Variants in ZFPM1 observed in about 807,000 individuals in gnomAD.
ZFPM1 encodes the protein zinc finger protein ZFPM1.
In ZFPM1, 28 loss-of-function variants were observed where a neutral mutation model predicts 46.3. The observed-to-expected ratio is 0.60, with a 90% CI of 0.45 to 0.83. The LOEUF (loss-of-function observed/expected upper bound fraction) is 0.83. Among genes scored for constraint, ZFPM1 ranks in the 40% least tolerant of loss-of-function variants. The pLI, the probability that ZFPM1 is intolerant of heterozygous loss-of-function variation, is 0.00. For synonymous variants in ZFPM1, 957 were observed against 675.9 expected (o/e 1.42, Z -6.45); for missense variants, 1,878 against 1,432.4 (o/e 1.31, Z -5.02).
chr16:88,535,664 C>T lies in ZFPM1; in HGVS notation c.*685C>T, dbSNP rs1409993155. On this transcript the variant is annotated 3_prime_UTR_variant, in exon 10 of 10. Transcript: ENST00000319555. ...AGGGAGACCGAGGCCGAAGCATTCC[C>T]TGGCCTCGAGGGGGTCCTGATGCTC... The T allele has an allele frequency of 2.6e-5, 4 of 152,342 alleles. No homozygotes were observed. Among genetic ancestry groups the T allele is most frequent in the Non-Finnish European group, 5.9e-5 (4 of 68,102 alleles). The allele number at this position is 152,342 out of a possible 1,614,324, so 9.4% of individuals were successfully genotyped here. A position where few individuals can be genotyped will look rare whatever the true frequency, so the allele number is the denominator to read the frequency against.
intron 3 of ZFPM1, chr16:88,489,419 C>T (rs1273330276): frequency 1.9e-5 from 8 of 431,444 alleles, no homozygotes; most frequent in African/African-American, 6.1e-5. Flanking sequence ...GTCTGGGCCG[C>T]GGAAGAGGAT....
At position 88,519,774 on chromosome 16, in the gene ZFPM1, T is replaced by A. The variant is rs577105505; in HGVS notation, c.402+5254T>A. Among the ~76,000 whole-genome samples, 4 of 131,362 alleles carry A rather than the reference T, an allele frequency of 3.0e-5. No homozygotes were observed. In the South Asian group the frequency reaches 1.0e-3, roughly 33 times the overall value. 86.2% of individuals were successfully genotyped at this position (131,362 alleles called of 152,430 possible). A position where few individuals can be genotyped will look rare whatever the true frequency, so the allele number is the denominator to read the frequency against. ...GATGGACAGATGGATGGTGGGTGGA[T>A]GGATGGATAGGAGGGTGGGTGGGTG... is the stretch of plus-strand genomic sequence containing the variant. On this transcript the variant is annotated intron_variant, in intron 4 of 9. Coordinates refer to ENST00000319555, the MANE Select transcript of ZFPM1 (RefSeq NM_153813.3).
At chr16:88,529,235 C>T (rs1055041433) in intron 6 of ZFPM1, among the ~76,000 whole-genome samples, 1 of 152,268 alleles carries the variant, frequency 6.6e-6, no homozygotes, top group Non-Finnish European at 1.5e-5. Context: ...GCAAGTCTGG[C>T]TCCGGCCAGC....
At chr16:88,508,978 C>A (rs1910807479) in intron 3 of ZFPM1, among the ~76,000 whole-genome samples, 1 of 152,170 alleles carries the variant, frequency 6.6e-6, no homozygotes, top group Admixed American at 6.5e-5. Context: ...GACAGAGGGG[C>A]CGGCTTGCCC....
intron 1 of ZFPM1, among the ~76,000 whole-genome samples, chr16:88,454,777 G>A (rs1047313045): frequency 3.3e-5 from 5 of 152,058 alleles, no homozygotes; most frequent in Admixed American, 2.6e-4. Context: ...GCGCCTCCCC[G>A]GAGCCTGACG....
intron 4 of ZFPM1, among the ~76,000 whole-genome samples, chr16:88,517,201 G>C (rs1911364598): frequency 7.5e-6 from 1 of 133,266 alleles, no homozygotes; most frequent in Admixed American, 7.3e-5. Context: ...TGGATGGATG[G>C]ATGGATGGAT....
chr16:88,467,859 C>T (rs1343179782), intron 1 of ZFPM1, among the ~76,000 whole-genome samples: 4 of 152,168 alleles, frequency 2.6e-5, no homozygotes, highest in South Asian at 2.1e-4. Context: ...TAAAAAAGGG[C>T]GATGCGTGCT....
At position 88,534,817 on chromosome 16, in the gene ZFPM1, G is replaced by C. The variant is rs755607416; in HGVS notation, c.2859G>C (p.Ser953=). The C allele has an allele frequency of 6.6e-6, 10 of 1,512,422 alleles. No individual in the cohort carries two copies. Among genetic ancestry groups the C allele is most frequent in the Non-Finnish European group, 8.8e-6 (10 of 1,134,022 alleles). 93.7% of individuals were successfully genotyped at this position (1,512,422 alleles called of 1,614,324 possible). A position where few individuals can be genotyped will look rare whatever the true frequency, so the allele number is the denominator to read the frequency against. The change falls in exon 10 of 10, where the codon TCG becomes TCC. Residue 953 remains serine (S), a synonymous_variant. Transcript: ENST00000319555. ...VPPPPAPPSY[S]DKGVQTPSKG... is the part of the protein sequence containing the mutation. ...CCCCGCCGGCGCCCCCCTCCTACTCGGACAAGGGCGTCCAGACTCCCAGCA... is the reference window on the plus strand; with the variant it reads ...CCCCGCCGGCGCCCCCCTCCTACTCCGACAAGGGCGTCCAGACTCCCAGCA...
At chr16:88,456,004 A>C (rs536816753) in intron 1 of ZFPM1, among the ~76,000 whole-genome samples, 59 of 152,244 alleles carry the variant, frequency 3.9e-4, no homozygotes, top group African/African-American at 1.3e-3. Flanking sequence ...ATCTTTGGCC[A>C]CCAGGCCCGG....
chr16:88,488,180 G>A (rs1398513992), intron 2 of ZFPM1, among the ~76,000 whole-genome samples: 1 of 152,186 alleles, frequency 6.6e-6, no homozygotes, highest in Non-Finnish European at 1.5e-5. Context: ...CAAGCTGCAG[G>A]GCGCCCTGAT....
intron 3 of ZFPM1, among the ~76,000 whole-genome samples, chr16:88,493,891 G>T (rs577844308): frequency 6.6e-6 from 1 of 152,296 alleles, no homozygotes; most frequent in South Asian, 2.1e-4. Context: ...TTGCTCTCGA[G>T]CGCCACGGCT....
intron 1 of ZFPM1, among the ~76,000 whole-genome samples, chr16:88,481,173 G>A (rs1334379906): frequency 8.5e-5 from 13 of 152,344 alleles, no homozygotes. Flanking sequence ...AGGGGCTCCG[G>A]GCACCACAGG....
chr16:88,512,555 C>T (rs1026843233), intron 3 of ZFPM1, among the ~76,000 whole-genome samples: 2 of 152,026 alleles, frequency 1.3e-5, no homozygotes, highest in African/African-American at 4.8e-5. Context: ...CCGCCCTGCC[C>T]CCCAGGCCCC....
intron 1 of ZFPM1, among the ~76,000 whole-genome samples, chr16:88,481,748 C>T (rs1908952855): frequency 6.6e-6 from 1 of 152,118 alleles, no homozygotes. Context: ...ACCCCAGGTT[C>T]CCCATCTGAA....
chr16:88,523,950 G>A (rs1433689188), intron 4 of ZFPM1, among the ~76,000 whole-genome samples: 1 of 152,222 alleles, frequency 6.6e-6, no homozygotes, highest in Non-Finnish European at 1.5e-5. Flanking sequence ...CTCCACTCGG[G>A]ACCGCCACAG....
At chr16:88,459,259 C>T (rs1907695289) in intron 1 of ZFPM1, among the ~76,000 whole-genome samples, 1 of 152,168 alleles carries the variant, frequency 6.6e-6, no homozygotes. Flanking sequence ...TGGGTCAGTC[C>T]CGTCCCCACA....
Position 88,497,962 on chromosome 16 carries a change from T to G in ZFPM1, c.268+8809T>G, listed in dbSNP as rs1189879333. ...GCAGGGAGATGGGCCGATAGGCGACTGGCTCCCTCCCCACCCGGTGTGCGT... is the reference window on the plus strand; with the variant it reads ...GCAGGGAGATGGGCCGATAGGCGACGGGCTCCCTCCCCACCCGGTGTGCGT... On this transcript the variant is annotated intron_variant, in intron 3 of 9. Transcript: ENST00000319555. This position sits in a 1 kb window ranked among gnomAD's most constrained non-coding sequence, Gnocchi z 5.4. Among the ~76,000 whole-genome samples the G allele has an allele frequency of 6.6e-6, 1 of 152,192 alleles. No individual in the cohort carries two copies. The highest frequency in any genetic ancestry group is 1.9e-4 in the East Asian group (1 of 5,200).
chr16:88,505,774 C>A (rs968071913), intron 3 of ZFPM1, among the ~76,000 whole-genome samples: 1 of 152,178 alleles, frequency 6.6e-6, no homozygotes. Flanking sequence ...GCAAGGAGAC[C>A]ACCGTGCTGG....
At chr16:88,459,109 T>C (rs1370473178) in intron 1 of ZFPM1, among the ~76,000 whole-genome samples, 1 of 152,172 alleles carries the variant, frequency 6.6e-6, no homozygotes, top group African/African-American at 2.4e-5. Flanking sequence ...TGGCTCCTTT[T>C]GGCCCCTGGA....
Sources: gnomAD v4.1 joint callset for allele counts (sites outside exome capture counted in the v4.1 genomes callset) on GRCh38, gnomAD v4.1.1 for gene constraint, Gnocchi (gnomAD v3.1) non-coding constraint, MANE v1.5 for transcripts, NCBI Gene and HGNC (gene_info 2026-07-23, HGNC 2026-07-21) for gene names.